Variants in KDM1B observed in about 807,000 individuals in gnomAD.
The protein encoded by KDM1B is lysine demethylase 1B.
A neutral mutation model predicts 107.4 loss-of-function variants in KDM1B; 63 were observed. The ratio of observed to expected loss-of-function variants is 0.59; its 90% CI spans 0.48 to 0.72. The LOEUF (loss-of-function observed/expected upper bound fraction) is 0.72. KDM1B is among the 30% of genes least tolerant of loss of function. The probability of loss-of-function intolerance (pLI) is 0.00; values close to 1 mark genes in which losing one functional copy is unlikely to be tolerated. For synonymous variants in KDM1B, 363 were observed against 363.9 expected (o/e 1.00, Z 0.03); for missense variants, 749 against 1,020.8 (o/e 0.73, Z 3.63).
chr6:18,168,713 G>A (rs981974734), intron 6 of KDM1B, among the ~76,000 whole-genome samples: 3 of 152,126 alleles, frequency 2.0e-5, no homozygotes, highest in African/African-American at 7.2e-5. Context: ...ATTCCTGTCT[G>A]TAGCATATGA....
Position 18,163,165 on chromosome 6 carries a change from G to C in KDM1B, c.305+241G>C, listed in dbSNP as rs1260183039. 2.0e-5 allele frequency among the ~76,000 whole-genome samples: 3 copies of C among 149,230 alleles called. No homozygotes were observed. In the East Asian group the frequency reaches 5.9e-4, roughly 29 times the overall value. On this transcript the variant is annotated intron_variant, in intron 5 of 21. Coordinates refer to ENST00000650836, the MANE Select transcript of KDM1B (RefSeq NM_001364614.2). ...CCATTTCTTTTTTTTTTTTTTTTGAGGCAAGAGTCTTGCCTAGGCTGGAGT... is the reference window on the plus strand; with the variant it reads ...CCATTTCTTTTTTTTTTTTTTTTGACGCAAGAGTCTTGCCTAGGCTGGAGT...
intron 6 of KDM1B, among the ~76,000 whole-genome samples, chr6:18,168,324 C>T (rs560010663): frequency 6.6e-6 from 1 of 152,150 alleles, no homozygotes; most frequent in Non-Finnish European, 1.5e-5. Context: ...ATGGATTTAT[C>T]TATTTTGGAT....
intron 21 of KDM1B, among the ~76,000 whole-genome samples, chr6:18,219,427 A>G (rs1175823420): frequency 2.6e-5 from 4 of 151,832 alleles, no homozygotes; most frequent in Non-Finnish European, 5.9e-5. Flanking sequence ...CCTCTTTACT[A>G]TTATTCATCT....
rs1159925915 is a variant in KDM1B, at chr6:18,209,212, T to C, written c.1866+1006T>C. Among the ~76,000 whole-genome samples the C allele has an allele frequency of 6.6e-6, 1 of 152,192 alleles. No individual in the cohort carries two copies. Among genetic ancestry groups the C allele is most frequent in the East Asian group, 1.9e-4 (1 of 5,190 alleles). Reference sequence around the variant, plus strand: ...GAAATCACACTGAGATTTATAGTATTGGAGAATAAAGGTGCCTCCTTGGGG... The same window carrying C: ...GAAATCACACTGAGATTTATAGTATCGGAGAATAAAGGTGCCTCCTTGGGG... On this transcript the variant is annotated intron_variant, in intron 17 of 21. Coordinates refer to ENST00000650836, the MANE Select transcript of KDM1B (RefSeq NM_001364614.2). This position sits in a 1 kb window ranked among gnomAD's most constrained non-coding sequence, Gnocchi z 4.3.
intron 7 of KDM1B, among the ~76,000 whole-genome samples, chr6:18,184,714 T>A (rs1786720689): frequency 6.6e-6 from 1 of 151,232 alleles, no homozygotes; most frequent in Non-Finnish European, 1.5e-5. Flanking sequence ...TGATGACCTT[T>A]GGGTTGTTTC....
At position 18,200,427 on chromosome 6, in the gene KDM1B, CTG is replaced by C. The variant is rs1202982770; in HGVS notation, c.1222-10_1222-9del. On this transcript the variant is annotated splice_polypyrimidine_tract_variant and intron_variant, in intron 12 of 21. Coordinates refer to ENST00000650836, the MANE Select transcript of KDM1B (RefSeq NM_001364614.2). The surrounding 1 kb of genome is among the most constrained non-coding windows in gnomAD (Gnocchi z 4.3). ...TGTCCTATTTAGCTTCCCTGACTGT[CTG>C]TCTTTTTAGGTGACTGTCCTGGAAG... 1 of 1,612,392 alleles carries C rather than the reference CTG, an allele frequency of 6.2e-7. No individual in the cohort carries two copies. Among genetic ancestry groups the C allele is most frequent in the Non-Finnish European group, 8.5e-7 (1 of 1,179,312 alleles).
rs1788835020 is a variant in KDM1B at position 18,211,298 on chromosome 6, T to C, written c.1867-1190T>C. ...GTAGATTGGGTGCTTGGTCTTCAAC[T>C]CCATTCCACTCTGATCCTAGGGTGT... On this transcript the variant is annotated intron_variant, in intron 17 of 21. Coordinates refer to ENST00000650836, the MANE Select transcript of KDM1B (RefSeq NM_001364614.2). This position sits in a 1 kb window ranked among gnomAD's most constrained non-coding sequence, Gnocchi z 5.2. Among the ~76,000 whole-genome samples the C allele has an allele frequency of 6.6e-6, 1 of 152,168 alleles. No homozygotes were observed. The highest frequency in any genetic ancestry group is 1.5e-5 in the Non-Finnish European group (1 of 68,040).
chr6:18,190,229 A>G (rs1448540088), intron 9 of KDM1B, among the ~76,000 whole-genome samples: 1 of 152,096 alleles, frequency 6.6e-6, no homozygotes, highest in Non-Finnish European at 1.5e-5. Context: ...GTCTTACAAG[A>G]TGAGAAAGTT....
At chr6:18,175,494 T>C (rs989082015) in intron 7 of KDM1B, among the ~76,000 whole-genome samples, 5 of 152,170 alleles carry the variant, frequency 3.3e-5, no homozygotes, top group Admixed American at 3.3e-4. Context: ...GTCCCAGTTA[T>C]TTATCTTTGT....
chr6:18,169,853 A>T (rs1243198841), intron 6 of KDM1B, among the ~76,000 whole-genome samples: 1 of 152,112 alleles, frequency 6.6e-6, no homozygotes, highest in Admixed American at 6.6e-5. Flanking sequence ...TTGCATATGG[A>T]TATCTGCATG....
intron 21 of KDM1B, 116 bp from the exon 22 acceptor site, chr6:18,221,793 C>A: frequency 1.3e-6 from 1 of 797,138 alleles, no homozygotes; most frequent in Non-Finnish European, 2.1e-6. Context: ...TGAATATGAG[C>A]ACACAGGAGT....
At chr6:18,158,616 A>G (rs1279212096) in intron 2 of KDM1B, among the ~76,000 whole-genome samples, 3 of 152,124 alleles carry the variant, frequency 2.0e-5, no homozygotes, top group Non-Finnish European at 2.9e-5. Flanking sequence ...TTTTTCATTT[A>G]TCATTTTCTG....
intron 10 of KDM1B, among the ~76,000 whole-genome samples, chr6:18,195,034 G>A (rs951875359): frequency 6.6e-6 from 1 of 152,170 alleles, no homozygotes; most frequent in African/African-American, 2.4e-5. Flanking sequence ...GTAAATGGAA[G>A]CATATAATAT....
At position 18,172,624 on chromosome 6, in the gene KDM1B, A is replaced by C. The variant is rs563473052; in HGVS notation, c.534+1145A>C. 6.6e-6 allele frequency among the ~76,000 whole-genome samples: 1 copy of C among 152,328 alleles called. No individual in the cohort carries two copies. The highest frequency in any genetic ancestry group is 2.1e-4 in the South Asian group (1 of 4,826). On this transcript the variant is annotated intron_variant, in intron 7 of 21. Coordinates refer to ENST00000650836, the MANE Select transcript of KDM1B (RefSeq NM_001364614.2). This position sits in a 1 kb window ranked among gnomAD's most constrained non-coding sequence, Gnocchi z 5.2. ...CTTCTGGTCCCAAGCATTTCAAATA[A>C]GAGAAATTCAACCTGGGATTCAAAA...
In KDM1B at chr6:18,187,706, G is replaced by A. The variant is rs1170891699; in HGVS notation, c.574-86G>A. 18 of 891,498 alleles carry A rather than the reference G, an allele frequency of 2.0e-5. No individual in the cohort carries two copies. In the East Asian group the frequency reaches 4.2e-4, roughly 21 times the overall value. The allele number at this position is 891,498 out of a possible 1,614,324, so 55.2% of individuals were successfully genotyped here. Reference sequence around the variant, plus strand: ...ATAGCGGGTTAAGGACAAGTGAAACGAAGAGAACCCTCTGTCCCTGGCAGA... The same window carrying A: ...ATAGCGGGTTAAGGACAAGTGAAACAAAGAGAACCCTCTGTCCCTGGCAGA... On this transcript the variant is annotated intron_variant, in intron 8 of 21. Coordinates refer to ENST00000650836, the MANE Select transcript of KDM1B (RefSeq NM_001364614.2).
intron 3 of KDM1B, among the ~76,000 whole-genome samples, chr6:18,160,847 T>C (rs1169352554): frequency 3.2e-4 from 36 of 111,726 alleles, no homozygotes; most frequent in South Asian, 2.3e-3. Context: ...TTTTTTTTTT[T>C]CCAGACAATC....
chr6:18,199,643 T>G (rs903983976), intron 12 of KDM1B, among the ~76,000 whole-genome samples: 3 of 151,460 alleles, frequency 2.0e-5, no homozygotes, highest in African/African-American at 7.3e-5. Flanking sequence ...AGCCTGGGTA[T>G]GAGACAGACC....
At chr6:18,195,150 C>G (rs1298470346) in intron 10 of KDM1B, among the ~76,000 whole-genome samples, 1 of 152,156 alleles carries the variant, frequency 6.6e-6, no homozygotes, top group East Asian at 1.9e-4. Flanking sequence ...AATAATATTT[C>G]ATTGTTCATA....
intron 6 of KDM1B, among the ~76,000 whole-genome samples, chr6:18,169,358 C>T (rs1005449292): frequency 6.6e-6 from 1 of 151,524 alleles, no homozygotes; most frequent in Non-Finnish European, 1.5e-5. Flanking sequence ...CCTCAGCCTC[C>T]CAAGTAGCTG....
Sources: gnomAD v4.1 joint callset for allele counts (sites outside exome capture counted in the v4.1 genomes callset) on GRCh38, gnomAD v4.1.1 for gene constraint, Gnocchi (gnomAD v3.1) non-coding constraint, MANE v1.5 for transcripts, NCBI Gene and HGNC (gene_info 2026-07-23, HGNC 2026-07-21) for gene names.